Variants in ABCB1 observed in about 807,000 individuals in gnomAD.
ABCB1 encodes the protein ATP binding cassette subfamily B member 1.
A neutral mutation model predicts 142.0 loss-of-function variants in ABCB1; 69 were observed. The observed-to-expected ratio is 0.49, with a 90% CI of 0.40 to 0.59. The LOEUF (loss-of-function observed/expected upper bound fraction) is 0.59. ABCB1 is among the 20% of genes least tolerant of loss of function. The probability of loss-of-function intolerance (pLI) is 0.00; values close to 1 mark genes in which losing one functional copy is unlikely to be tolerated. For synonymous variants in ABCB1, 532 were observed against 539.2 expected (o/e 0.99, Z 0.18); for missense variants, 1,326 against 1,554.7 (o/e 0.85, Z 2.47).
At chr7:87,522,425 A>G (rs765946852) in intron 21 of ABCB1, 52 of 644,622 alleles carry the variant, frequency 8.1e-5, no homozygotes, top group Non-Finnish European at 1.5e-4. Flanking sequence ...AATTACTGCC[A>G]GGAAACAAAT....
chr7:87,568,368 C>A (rs920185016), intron 5 of ABCB1, among the ~76,000 whole-genome samples: 1 of 149,960 alleles, frequency 6.7e-6, no homozygotes, highest in African/African-American at 2.5e-5. Flanking sequence ...GCACAGAGAT[C>A]GTGCCACTAC....
At chr7:87,696,250 A>G (rs1313735120) in intron 1 of ABCB1, among the ~76,000 whole-genome samples, 1 of 152,256 alleles carries the variant, frequency 6.6e-6, no homozygotes, top group East Asian at 1.9e-4. Context: ...GTTTCTTGCT[A>G]TATGATTGTC....
chr7:87,677,322 AC>A (rs1200342917), intron 1 of ABCB1, among the ~76,000 whole-genome samples: 6 of 148,888 alleles, frequency 4.0e-5, no homozygotes, highest in Non-Finnish European at 8.9e-5. Context: ...ACAATGGAAT[AC>A]CATTTCAGAT....
intron 21 of ABCB1, among the ~76,000 whole-genome samples, chr7:87,527,536 C>T (rs1320885327): frequency 6.6e-6 from 1 of 152,158 alleles, no homozygotes. Flanking sequence ...CAACTTTTTC[C>T]TGTAATGTCA....
At chr7:87,554,438 C>T (rs2129737262) in intron 8 of ABCB1, among the ~76,000 whole-genome samples, 2 of 152,030 alleles carry the variant, frequency 1.3e-5, no homozygotes, top group Middle Eastern at 6.9e-3. Flanking sequence ...GTCGGAATGA[C>T]CAACTGAGAG....
At chr7:87,651,843 G>A (rs116385263) in intron 1 of ABCB1, among the ~76,000 whole-genome samples, 1,566 of 152,166 alleles carry the variant, frequency 0.01, 30 homozygotes, top group African/African-American at 0.036. Flanking sequence ...AACTACATGG[G>A]AGAAAAAATA....
intron 8 of ABCB1, among the ~76,000 whole-genome samples, chr7:87,559,493 G>A (rs1017217243): frequency 1.3e-5 from 2 of 151,972 alleles, no homozygotes. Flanking sequence ...TAAAGAATTA[G>A]TTTATGGATA....
chr7:87,518,398 T>C (rs961326773), intron 23 of ABCB1, among the ~76,000 whole-genome samples: 4 of 152,146 alleles, frequency 2.6e-5, no homozygotes, highest in African/African-American at 9.7e-5. Context: ...ATCAAATAAT[T>C]ATCTAATCAA....
intron 23 of ABCB1, 148 bp downstream of exon 23, chr7:87,519,178 A>T: frequency 1.4e-6 from 1 of 729,360 alleles, no homozygotes; most frequent in East Asian, 2.7e-5. Flanking sequence ...CAATGGTGGC[A>T]CATGAAGACT....
chr7:87,570,997 T>C (rs1241886292), intron 4 of ABCB1, among the ~76,000 whole-genome samples: 1 of 152,240 alleles, frequency 6.6e-6, no homozygotes, highest in African/African-American at 2.4e-5. Context: ...TCCAATATTT[T>C]ACTGTTACAA....
intron 1 of ABCB1, among the ~76,000 whole-genome samples, chr7:87,636,283 G>T (rs569522592): frequency 6.6e-6 from 1 of 152,170 alleles, no homozygotes; most frequent in South Asian, 2.1e-4. Context: ...TGTTTGTTGG[G>T]GTGTCACATG....
chr7:87,544,247 C>T lies in ABCB1; in HGVS notation c.2093G>A (p.Trp698Ter). ...LDESIPPVSF[W>*]RIMKLNLTEW... ...AGTTAAATTTAGCTTCATAATCCTC[C>T]AAAAGGAAACTGGAGGTATACTTTC... The change falls in exon 17 of 28, where the codon TGG (tryptophan) becomes TAG (stop). Residue 698 changes from tryptophan to a stop codon, truncating the protein, a stop_gained. Transcript: ENST00000622132. LOFTEE classifies it high-confidence loss of function. 6.2e-7 allele frequency: 1 copy of T among 1,613,340 alleles called. No individual in the cohort carries two copies. The highest frequency in any genetic ancestry group is 8.5e-7 in the Non-Finnish European group (1 of 1,179,866).
At chr7:87,575,044 AG>A (rs1818216979) in intron 4 of ABCB1, among the ~76,000 whole-genome samples, 2 of 152,190 alleles carry the variant, frequency 1.3e-5, no homozygotes, top group Non-Finnish European at 2.9e-5. Flanking sequence ...TTTGTATACA[AG>A]TGTCTCACAT....
rs774776889 is a variant in ABCB1, at chr7:87,539,354, AG to A, written c.2320-10del. On this transcript the variant is annotated splice_polypyrimidine_tract_variant and intron_variant, in intron 18 of 27. Coordinates refer to ENST00000622132, the MANE Select transcript of ABCB1 (RefSeq NM_001348946.2). ...TTGCCAAATGTGAAACCCTGTGGGC[AG>A]GAACATACCTTGTCAGGGACCCAGC... 6.2e-7 allele frequency: 1 copy of A among 1,613,924 alleles called. No homozygotes were observed.
At chr7:87,687,485 T>G (rs1827584779) in intron 1 of ABCB1, among the ~76,000 whole-genome samples, 1 of 152,216 alleles carries the variant, frequency 6.6e-6, no homozygotes, top group South Asian at 2.1e-4. Flanking sequence ...TTTTATGTAC[T>G]TATTATGATT....
At chr7:87,545,679 T>G (rs1003979908) in intron 15 of ABCB1, among the ~76,000 whole-genome samples, 184 bp downstream of exon 15, 30 of 152,220 alleles carry the variant, frequency 2.0e-4, no homozygotes, top group African/African-American at 7.0e-4. Context: ...CTGTTTATCC[T>G]TCTTTATTTT....
intron 1 of ABCB1, chr7:87,693,815 C>T: frequency 8.7e-7 from 1 of 1,153,598 alleles, no homozygotes; most frequent in East Asian, 2.4e-5. Context: ...TTATATGTAG[C>T]CATCTTAGTT....
intron 3 of ABCB1, among the ~76,000 whole-genome samples, chr7:87,589,792 AG>A (rs1269248012): frequency 2.8e-5 from 4 of 142,778 alleles, no homozygotes; most frequent in Non-Finnish European, 6.0e-5. Context: ...AAAAAGAAAG[AG>A]AGAGAGAGAG....
At chr7:87,653,299 C>T (rs568509999) in intron 1 of ABCB1, among the ~76,000 whole-genome samples, 2 of 152,180 alleles carry the variant, frequency 1.3e-5, no homozygotes, top group East Asian at 3.9e-4. Flanking sequence ...ATAAAAGCCA[C>T]TGCAAAAGCT....
Sources: gnomAD v4.1 joint callset for allele counts (sites outside exome capture counted in the v4.1 genomes callset) on GRCh38, gnomAD v4.1.1 for gene constraint, MANE v1.5 for transcripts, NCBI Gene and HGNC (gene_info 2026-07-23, HGNC 2026-07-21) for gene names.